IGF2BP3: variants seen among roughly 807,000 people sequenced by gnomAD.
IGF2BP3 encodes insulin-like growth factor 2 mRNA-binding protein 3.
A neutral mutation model predicts 73.8 loss-of-function variants in IGF2BP3; 9 were observed. The observed-to-expected ratio is 0.12, with a 90% confidence interval of 0.07 to 0.21. IGF2BP3 has a LOEUF of 0.21. Ranked by LOEUF, IGF2BP3 falls within the 10% of genes least tolerant of loss-of-function variation. The pLI is 1.00. For synonymous variants in IGF2BP3, 258 were observed against 256.7 expected (o/e 1.01, Z -0.05); for missense variants, 542 against 714.0 (o/e 0.76, Z 2.75).
chr7:23,439,364 C>A (rs1056197496), intron 2 of IGF2BP3, among the ~76,000 whole-genome samples: 1 of 151,470 alleles, frequency 6.6e-6, no homozygotes, highest in Admixed American at 6.6e-5. Flanking sequence ...ACCATCCTGG[C>A]TAACACGGTG....
chr7:23,394,133 A>C (rs77512152), intron 3 of IGF2BP3, among the ~76,000 whole-genome samples: 265 of 152,340 alleles, frequency 1.7e-3, no homozygotes, highest in African/African-American at 6.2e-3. Flanking sequence ...AAGGTCTTTC[A>C]GCTACAGACA....
chr7:23,335,188 C>T (rs1784543042), intron 10 of IGF2BP3, among the ~76,000 whole-genome samples: 1 of 150,856 alleles, frequency 6.6e-6, no homozygotes, highest in South Asian at 2.1e-4. Flanking sequence ...AAATTGTTTA[C>T]CAACAAAAGA....
intron 2 of IGF2BP3, among the ~76,000 whole-genome samples, chr7:23,446,927 G>T (rs868458997): frequency 5.9e-5 from 9 of 152,132 alleles, no homozygotes; most frequent in African/African-American, 2.2e-4. Flanking sequence ...CTGGTGCCAG[G>T]CACGGTGGCT....
intron 6 of IGF2BP3, 83 bp from the exon 7 acceptor site, chr7:23,347,817 T>G (rs1356746396): frequency 6.5e-7 from 1 of 1,533,304 alleles, no homozygotes; most frequent in Non-Finnish European, 8.9e-7. Flanking sequence ...AAATGCAAAG[T>G]CATAGGGCTT....
intron 2 of IGF2BP3, among the ~76,000 whole-genome samples, chr7:23,464,803 CTAT>C (rs1562766957): frequency 6.6e-6 from 1 of 151,724 alleles, no homozygotes; most frequent in Non-Finnish European, 1.5e-5. Flanking sequence ...CTATAATATC[CTAT>C]TATTTTTTTC....
chr7:23,317,554 T>C, intron 12 of IGF2BP3, 85 bp downstream of exon 12: 1 of 926,688 alleles, frequency 1.1e-6, no homozygotes, highest in South Asian at 1.4e-5. Context: ...TTCTGAGATT[T>C]AGACATATTT....
At position 23,361,719 on chromosome 7, in the gene IGF2BP3, T is replaced by C. The variant is rs1260077794; in HGVS notation, c.308A>G (p.Gln103Arg). ...QWEVLDSLLV[Q>R]YGVVESCEQV... ...CTCACAGCTCTCCACCACTCCATAC[T>C]GGACTAGTAAACTATCCAGCACCTA... The change falls in exon 4 of 15, where the codon CAG (glutamine) becomes CGG (arginine). Residue 103 changes from glutamine to arginine, a missense_variant. By Grantham distance (43) the Gln-to-Arg change is conservative. Coordinates refer to ENST00000258729, the MANE Select transcript of IGF2BP3 (RefSeq NM_006547.3). 6.2e-7 allele frequency: 1 copy of C among 1,613,970 alleles called. No individual in the cohort carries two copies. Among genetic ancestry groups the C allele is most frequent in the Admixed American group, 1.7e-5 (1 of 60,016 alleles).
At chr7:23,333,351 C>T (rs924710128) in intron 10 of IGF2BP3, among the ~76,000 whole-genome samples, 1 of 152,188 alleles carries the variant, frequency 6.6e-6, no homozygotes, top group Admixed American at 6.5e-5. Flanking sequence ...CCAGAGAACA[C>T]TAATGTAGCA....
In IGF2BP3 at chr7:23,355,123, T is replaced by C. The variant is rs542033459; in HGVS notation, c.402-3537A>G. ...AGATGCAAGACATGAGATGAACGAC[T>C]GTCATAATTATTTGACACATATGTA... On this transcript the variant is annotated intron_variant, in intron 5 of 14. Coordinates refer to ENST00000258729, the MANE Select transcript of IGF2BP3 (RefSeq NM_006547.3). Among the ~76,000 whole-genome samples, 5 of 152,350 alleles carry C rather than the reference T, an allele frequency of 3.3e-5. No individual in the cohort carries two copies. The South Asian group carries it at 1.0e-3, about 32-fold the overall frequency.
intron 10 of IGF2BP3, among the ~76,000 whole-genome samples, chr7:23,324,936 C>T (rs1286108823): frequency 6.9e-5 from 10 of 145,540 alleles, no homozygotes; most frequent in Admixed American, 6.8e-5. Flanking sequence ...ATAATAAGAG[C>T]TATCTATGAC....
intron 3 of IGF2BP3, among the ~76,000 whole-genome samples, chr7:23,381,543 G>A (rs1785909758): frequency 6.6e-6 from 1 of 152,140 alleles, no homozygotes; most frequent in African/African-American, 2.4e-5. Flanking sequence ...TCATTAAAGT[G>A]ATGGCTGATT....
intron 2 of IGF2BP3, among the ~76,000 whole-genome samples, chr7:23,444,883 CAT>C (rs1472805778): frequency 1.3e-5 from 2 of 151,960 alleles, no homozygotes; most frequent in Non-Finnish European, 2.9e-5. Flanking sequence ...GTTTGAGCAA[CAT>C]AGAGTTCCCA....
intron 10 of IGF2BP3, among the ~76,000 whole-genome samples, chr7:23,338,212 G>A (rs1208235834): frequency 1.3e-5 from 2 of 152,078 alleles, no homozygotes; most frequent in Non-Finnish European, 2.9e-5. Context: ...ACTCTTCAAA[G>A]CATAGAACAA....
intron 2 of IGF2BP3, among the ~76,000 whole-genome samples, chr7:23,419,794 G>C (rs1013688304): frequency 2.6e-5 from 4 of 152,142 alleles, no homozygotes; most frequent in Non-Finnish European, 5.9e-5. Context: ...CGGAGGTTGC[G>C]GTAAGCCAAG....
chr7:23,317,617 G>C, intron 12 of IGF2BP3, 22 bp downstream of exon 12: 1 of 1,597,306 alleles, frequency 6.3e-7, no homozygotes, highest in Non-Finnish European at 8.6e-7. Context: ...TGTGGACATA[G>C]CACATACTCT....
In IGF2BP3 at chr7:23,323,130, T is replaced by C. The variant is rs535888872; in HGVS notation, c.1204-3876A>G. Reference sequence around the variant, plus strand: ...CAATTAAAAGACACAGACTGGCAAATTGGATAAAGAGTCAAGACCCATCAG... The same window carrying C: ...CAATTAAAAGACACAGACTGGCAAACTGGATAAAGAGTCAAGACCCATCAG... On this transcript the variant is annotated intron_variant, in intron 10 of 14. Coordinates refer to ENST00000258729, the MANE Select transcript of IGF2BP3 (RefSeq NM_006547.3). Among the ~76,000 whole-genome samples the C allele has an allele frequency of 1.1e-4, 17 of 152,034 alleles. No individual in the cohort carries two copies. In the East Asian group the frequency reaches 2.9e-3, roughly 26 times the overall value.
At chr7:23,453,889 C>T (rs370210726) in intron 2 of IGF2BP3, among the ~76,000 whole-genome samples, 35 of 152,284 alleles carry the variant, frequency 2.3e-4, no homozygotes, top group African/African-American at 7.9e-4. Flanking sequence ...CTCACTCTAT[C>T]GCCCAGCTTG....
intron 2 of IGF2BP3, among the ~76,000 whole-genome samples, chr7:23,433,797 G>A (rs1027308946): frequency 6.6e-5 from 10 of 152,144 alleles, no homozygotes; most frequent in Non-Finnish European, 1.3e-4. Flanking sequence ...GTTTTAGGCC[G>A]GGCACAGTGG....
At chr7:23,446,930 C>T (rs553422151) in intron 2 of IGF2BP3, among the ~76,000 whole-genome samples, 9 of 152,176 alleles carry the variant, frequency 5.9e-5, no homozygotes, top group East Asian at 1.9e-4. Context: ...GTGCCAGGCA[C>T]GGTGGCTCAT....
Sources: allele counts gnomAD v4.1 joint callset (sites outside exome capture counted in the v4.1 genomes callset), GRCh38; gene constraint gnomAD v4.1.1; transcripts MANE v1.5; gene names NCBI Gene and HGNC (gene_info 2026-07-23, HGNC 2026-07-21).